ERBB4: variants seen among roughly 807,000 people sequenced by gnomAD.
ERBB4 encodes the protein erb-b2 receptor tyrosine kinase 4.
In ERBB4, 42 loss-of-function variants were observed where a neutral mutation model predicts 158.0. That is an observed-to-expected ratio of 0.27 (90% CI 0.21 to 0.34). The LOEUF is 0.34. ERBB4 is among the 10% of genes least tolerant of loss of function. ERBB4 has a pLI of 1.00. For synonymous variants in ERBB4, 583 were observed against 558.7 expected (o/e 1.04, Z -0.61); for missense variants, 1,333 against 1,624.1 (o/e 0.82, Z 3.08).
chr2:212,175,957 A>T (rs774138401), intron 1 of ERBB4, among the ~76,000 whole-genome samples: 8 of 151,916 alleles, frequency 5.3e-5, no homozygotes, highest in Non-Finnish European at 7.4e-5. Flanking sequence ...TTTCCTCATC[A>T]CCAGTTCTTA....
chr2:211,740,960 A>G (rs1226350492), intron 5 of ERBB4, among the ~76,000 whole-genome samples: 1 of 152,250 alleles, frequency 6.6e-6, no homozygotes, highest in Non-Finnish European at 1.5e-5. Flanking sequence ...AGAATATAAT[A>G]CATTTCAATA....
intron 2 of ERBB4, among the ~76,000 whole-genome samples, chr2:212,019,401 A>G (rs17343458): frequency 0.099 from 15,087 of 152,262 alleles, 1,029 homozygotes; most frequent in Non-Finnish European, 0.15. Flanking sequence ...ACAAAAATGC[A>G]AACATAAAAA....
chr2:211,428,128 C>T (rs895344596), intron 22 of ERBB4, among the ~76,000 whole-genome samples: 6 of 151,558 alleles, frequency 4.0e-5, no homozygotes, highest in African/African-American at 9.7e-5. Context: ...ACCTAGATGA[C>T]GGGTTGATAG....
intron 20 of ERBB4, among the ~76,000 whole-genome samples, chr2:211,442,387 TATCCATCCATCCATCC>T (rs10593679): frequency 6.6e-6 from 1 of 150,938 alleles, no homozygotes; most frequent in Non-Finnish European, 1.5e-5. Flanking sequence ...GACAGGTATC[TATCCATCCATCCATCC>T]ATCCATCCAT....
chr2:212,498,756 C>G (rs1025077548), intron 1 of ERBB4, among the ~76,000 whole-genome samples: 4 of 151,968 alleles, frequency 2.6e-5, no homozygotes, highest in Non-Finnish European at 5.9e-5. Context: ...CCCTACCAGT[C>G]CATCTACAAA....
Position 211,864,375 on chromosome 2 carries a change from CTT to C in ERBB4, c.422-76218_422-76217del, listed in dbSNP as rs532561253. ...ACTGCTTTCCTGCTTCTGGGGATCT[CTT>C]TGGCACTTCCCAGGAACTCCTCCAC... is the stretch of plus-strand genomic sequence containing the variant. On this transcript the variant is annotated intron_variant, in intron 3 of 27. Transcript: ENST00000342788. Among the ~76,000 whole-genome samples the C allele has an allele frequency of 3.9e-5, 6 of 152,270 alleles. No homozygotes were observed. In the South Asian group the frequency reaches 1.2e-3, roughly 32 times the overall value.
chr2:212,306,078 T>C (rs1255933162), intron 1 of ERBB4, among the ~76,000 whole-genome samples: 2 of 151,460 alleles, frequency 1.3e-5, no homozygotes, highest in South Asian at 2.1e-4. Context: ...TATACATATA[T>C]ACTGATAAAC....
intron 9 of ERBB4, among the ~76,000 whole-genome samples, chr2:211,710,090 T>C (rs1371053116): frequency 1.3e-5 from 2 of 152,152 alleles, no homozygotes; most frequent in African/African-American, 4.8e-5. Flanking sequence ...ATTAAAACAA[T>C]ATATATTTAG....
intron 19 of ERBB4, among the ~76,000 whole-genome samples, chr2:211,582,239 C>G (rs1559319547): frequency 6.6e-6 from 1 of 152,132 alleles, no homozygotes; most frequent in African/African-American, 2.4e-5. Flanking sequence ...GGCGTGCCGG[C>G]TTTCATCTGT....
intron 2 of ERBB4, among the ~76,000 whole-genome samples, chr2:211,972,909 A>G (rs1428581816): frequency 6.6e-6 from 1 of 152,180 alleles, no homozygotes; most frequent in Non-Finnish European, 1.5e-5. Context: ...GCTAAATGGG[A>G]TATAATTAAA....
At chr2:212,133,479 GAT>G (rs1343041816) in intron 1 of ERBB4, among the ~76,000 whole-genome samples, 1 of 140,666 alleles carries the variant, frequency 7.1e-6, no homozygotes, top group African/African-American at 2.7e-5. Flanking sequence ...ACCTTTTTAT[GAT>G]ATGTCTCCAC....
intron 1 of ERBB4, among the ~76,000 whole-genome samples, chr2:212,238,964 G>T (rs1435261718): frequency 6.6e-6 from 1 of 152,152 alleles, no homozygotes; most frequent in Non-Finnish European, 1.5e-5. Flanking sequence ...ACTGAATTTG[G>T]AGTCTGGGCT....
intron 3 of ERBB4, among the ~76,000 whole-genome samples, chr2:211,857,369 T>C (rs539832643): frequency 1.3e-5 from 2 of 152,306 alleles, no homozygotes; most frequent in South Asian, 2.1e-4. Flanking sequence ...TTAACCTATG[T>C]ATATATCCTG....
At chr2:212,472,406 T>A (rs1033051451) in intron 1 of ERBB4, among the ~76,000 whole-genome samples, 1 of 151,818 alleles carries the variant, frequency 6.6e-6, no homozygotes, top group Admixed American at 6.6e-5. Context: ...CTTATTTGAA[T>A]CCAGATGTAC....
intron 4 of ERBB4, chr2:211,779,416 A>T (rs1254196499): frequency 6.6e-6 from 1 of 152,142 alleles, no homozygotes; most frequent in Non-Finnish European, 1.5e-5. Flanking sequence ...TTGTCCACTG[A>T]TTCTCCTTAT....
chr2:212,186,735 G>A (rs553645296), intron 1 of ERBB4, among the ~76,000 whole-genome samples: 1 of 152,242 alleles, frequency 6.6e-6, no homozygotes, highest in South Asian at 2.1e-4. Context: ...AACCCAAAGA[G>A]AGGTTTGTTT....
chr2:211,923,853 G>T (rs904534292), intron 3 of ERBB4, among the ~76,000 whole-genome samples: 5 of 152,028 alleles, frequency 3.3e-5, no homozygotes, highest in Non-Finnish European at 5.9e-5. Context: ...CTCCCAAGCA[G>T]CTGGGATTAC....
At chr2:211,552,437 T>A (rs909590826) in intron 20 of ERBB4, among the ~76,000 whole-genome samples, 2 of 152,154 alleles carry the variant, frequency 1.3e-5, no homozygotes, top group Admixed American at 6.5e-5. Context: ...TTGGAAGAAG[T>A]TTAAGTTGAG....
At chr2:212,232,499 C>A (rs1248907164) in intron 1 of ERBB4, among the ~76,000 whole-genome samples, 1 of 152,154 alleles carries the variant, frequency 6.6e-6, no homozygotes, top group Admixed American at 6.6e-5. Flanking sequence ...ACCTCTGTCT[C>A]CTGTGTTCAA....
Sources: allele counts gnomAD v4.1 joint callset (sites outside exome capture counted in the v4.1 genomes callset), GRCh38; gene constraint gnomAD v4.1.1; transcripts MANE v1.5; gene names NCBI Gene and HGNC (gene_info 2026-07-23, HGNC 2026-07-21).